Variants in FNDC3B observed in about 807,000 individuals in gnomAD.
FNDC3B encodes fibronectin type III domain-containing protein 3B.
FNDC3B carries 12 observed loss-of-function variants against 151.5 expected under a neutral mutation model. The ratio of observed to expected loss-of-function variants is 0.08; its 90% CI spans 0.05 to 0.13. The LOEUF is 0.13. Ranked by LOEUF, FNDC3B falls within the 10% of genes least tolerant of loss-of-function variation. FNDC3B has a pLI of 1.00. For synonymous variants in FNDC3B, 528 were observed against 549.0 expected (o/e 0.96, Z 0.54); for missense variants, 1,214 against 1,505.3 (o/e 0.81, Z 3.20).
At chr3:172,170,734 A>G (rs1272879515) in intron 3 of FNDC3B, among the ~76,000 whole-genome samples, 1 of 152,232 alleles carries the variant, frequency 6.6e-6, no homozygotes, top group Non-Finnish European at 1.5e-5. Context: ...AGCTGCCTAG[A>G]TAAGTCAGCA....
chr3:172,178,199 C>A (rs1723707223), intron 3 of FNDC3B, among the ~76,000 whole-genome samples: 1 of 152,070 alleles, frequency 6.6e-6, no homozygotes, highest in African/African-American at 2.4e-5. Context: ...TTGCCTAGTG[C>A]TGATGGCCAC....
chr3:172,104,542 G>A (rs1275944368), intron 1 of FNDC3B, among the ~76,000 whole-genome samples: 2 of 152,046 alleles, frequency 1.3e-5, no homozygotes, highest in Non-Finnish European at 2.9e-5. Flanking sequence ...TTTGCCTGAA[G>A]TGTACAGGAG....
At chr3:172,341,996 T>G (rs1733349357) in intron 17 of FNDC3B, among the ~76,000 whole-genome samples, 1 of 152,252 alleles carries the variant, frequency 6.6e-6, no homozygotes, top group South Asian at 2.1e-4. Context: ...TGTAGAGATA[T>G]TTAACATTAT....
chr3:172,086,678 T>C (rs1277116024), intron 1 of FNDC3B, among the ~76,000 whole-genome samples: 1 of 152,220 alleles, frequency 6.6e-6, no homozygotes, highest in Non-Finnish European at 1.5e-5. Context: ...ATTAGGAGAA[T>C]TGAAAAGAAT....
intron 3 of FNDC3B, among the ~76,000 whole-genome samples, chr3:172,192,261 C>T (rs1001305859): frequency 6.6e-5 from 10 of 151,472 alleles, no homozygotes; most frequent in Non-Finnish European, 1.0e-4. Context: ...CAACCTCCGC[C>T]TCCCTGGTAC....
chr3:172,305,197 C>G (rs74856298), intron 9 of FNDC3B, among the ~76,000 whole-genome samples: 351 of 152,198 alleles, frequency 2.3e-3, no homozygotes, highest in Non-Finnish European at 4.3e-3. Flanking sequence ...ACTATATTAC[C>G]ATCATCACAC....
chr3:172,365,529 C>T (rs936749346), intron 23 of FNDC3B, among the ~76,000 whole-genome samples: 2 of 152,138 alleles, frequency 1.3e-5, no homozygotes, highest in Non-Finnish European at 1.5e-5. Flanking sequence ...GCATCTTGTG[C>T]GAACCCTTGG....
chr3:172,245,262 G>A (rs1727716348), intron 4 of FNDC3B, among the ~76,000 whole-genome samples: 1 of 152,066 alleles, frequency 6.6e-6, no homozygotes, highest in Admixed American at 6.5e-5. Flanking sequence ...AAAGTCCAAA[G>A]CGTGCCTCTT....
chr3:172,191,105 A>C lies in FNDC3B; in HGVS notation c.188-35766A>C, dbSNP rs1469788732. ...CTGTAGAATATAACCAACCCTCCTT[A>C]TGTTCCAGACGAAGAGACTAAGGCT... On this transcript the variant is annotated intron_variant, in intron 3 of 25. Transcript: ENST00000415807. 3.3e-5 allele frequency among the ~76,000 whole-genome samples: 5 copies of C among 152,226 alleles called. No homozygotes were observed. The East Asian group carries it at 9.6e-4, about 29-fold the overall frequency.
chr3:172,300,170 G>T (rs1053294378), intron 9 of FNDC3B, among the ~76,000 whole-genome samples: 4 of 152,178 alleles, frequency 2.6e-5, no homozygotes, highest in African/African-American at 9.7e-5. Flanking sequence ...TGTAATTTGT[G>T]AAGCTAAGAT....
chr3:172,381,717 G>A (rs1177096746), intron 25 of FNDC3B, among the ~76,000 whole-genome samples: 9 of 151,434 alleles, frequency 5.9e-5, no homozygotes, highest in South Asian at 2.1e-4. Flanking sequence ...GAGAACCTGC[G>A]GTGTTTGGTT....
At chr3:172,306,289 C>T (rs898094417) in intron 9 of FNDC3B, among the ~76,000 whole-genome samples, 1 of 152,116 alleles carries the variant, frequency 6.6e-6, no homozygotes, top group African/African-American at 2.4e-5. Context: ...TAGGCAATAC[C>T]GTATATACTG....
intron 3 of FNDC3B, among the ~76,000 whole-genome samples, chr3:172,212,086 TC>T (rs1725758838): frequency 6.6e-6 from 1 of 152,204 alleles, no homozygotes; most frequent in Non-Finnish European, 1.5e-5. Context: ...TTATATAAAA[TC>T]CTGTGATCAT....
At chr3:172,173,582 C>T (rs1723387997) in intron 3 of FNDC3B, among the ~76,000 whole-genome samples, 1 of 148,264 alleles carries the variant, frequency 6.7e-6, no homozygotes, top group Non-Finnish European at 1.5e-5. Flanking sequence ...ATCACTTGCA[C>T]TTAGGAGTTT....
chr3:172,089,515 A>G (rs1169110650), intron 1 of FNDC3B, among the ~76,000 whole-genome samples: 1 of 152,194 alleles, frequency 6.6e-6, no homozygotes, highest in African/African-American at 2.4e-5. Context: ...GGCACAACAC[A>G]TACCATGCAC....
chr3:172,310,708 T>A, intron 10 of FNDC3B, 120 bp from the exon 11 acceptor site: 1 of 777,592 alleles, frequency 1.3e-6, no homozygotes, highest in Non-Finnish European at 2.3e-6. Context: ...AACCATCAGC[T>A]TTATCCCCCT....
At chr3:172,147,371 G>A (rs1275429225) in intron 3 of FNDC3B, among the ~76,000 whole-genome samples, 1 of 151,354 alleles carries the variant, frequency 6.6e-6, no homozygotes, top group African/African-American at 2.4e-5. Context: ...CTTTTCAGAA[G>A]CTGATAAGCT....
intron 23 of FNDC3B, among the ~76,000 whole-genome samples, chr3:172,370,206 T>C (rs572997245): frequency 1.3e-5 from 2 of 152,324 alleles, no homozygotes; most frequent in South Asian, 4.1e-4. Flanking sequence ...TTATTTTCCA[T>C]CATAAATTTA....
chr3:172,168,901 CG>C (rs1723150534), intron 3 of FNDC3B, among the ~76,000 whole-genome samples: 1 of 150,514 alleles, frequency 6.6e-6, no homozygotes, highest in Non-Finnish European at 1.5e-5. Flanking sequence ...TTGCTAGAGA[CG>C]GGGTTTCACC....
Sources: gnomAD v4.1 joint callset for allele counts (sites outside exome capture counted in the v4.1 genomes callset) on GRCh38, gnomAD v4.1.1 for gene constraint, MANE v1.5 for transcripts, NCBI Gene and HGNC (gene_info 2026-07-23, HGNC 2026-07-21) for gene names.